Variants in RPS6KC1 observed in about 807,000 individuals in gnomAD.
RPS6KC1 encodes the protein ribosomal protein S6 kinase C1, also known as inactive ribosomal protein S6 kinase delta-1.
A neutral mutation model predicts 103.8 loss-of-function variants in RPS6KC1; 54 were observed. The ratio of observed to expected loss-of-function variants is 0.52; its 90% confidence interval spans 0.42 to 0.65. RPS6KC1 has a LOEUF of 0.65. RPS6KC1 is among the 30% of genes least tolerant of loss of function. The pLI is 0.00. For missense variants in RPS6KC1, 1,151 were observed against 1,253.8 expected, an observed-to-expected ratio of 0.92 and a Z score of 1.24; for synonymous variants, 439 against 438.7, an observed-to-expected ratio of 1.00 and a Z score of -0.01.
rs7543365 is a variant in RPS6KC1 at position 213,188,659 on chromosome 1, T to C, written c.1044+12167T>C. 4.9e-3 allele frequency among the ~76,000 whole-genome samples: 752 copies of C among 152,258 alleles called. 6 individuals carry two copies. Among genetic ancestry groups the C allele is most frequent in the African/African-American group, 0.014 (578 of 41,540 alleles). Reference sequence around the variant, plus strand: ...TATAATAATATTGAATTACTAGATGTAAATATAACAAGACATAGGAGCTTT... The same window carrying C: ...TATAATAATATTGAATTACTAGATGCAAATATAACAAGACATAGGAGCTTT... On this transcript the variant is annotated intron_variant, in intron 8 of 14. Transcript: ENST00000366960.
chr1:213,513,014 C>T, the RPS6KC1 span, among the ~76,000 whole-genome samples: 7 of 152,240 alleles, frequency 4.6e-5, no homozygotes, highest in African/African-American at 1.7e-4. Context: ...CTTGTAAATA[C>T]GTTATGTTAC....
At chr1:213,137,108 G>A (rs755802880) in intron 6 of RPS6KC1, among the ~76,000 whole-genome samples, 99 of 152,176 alleles carry the variant, frequency 6.5e-4, no homozygotes, top group Non-Finnish European at 4.0e-4. Context: ...TGATGATGGG[G>A]AATGGGTTGG....
chr1:213,807,960 G>A, the RPS6KC1 span, among the ~76,000 whole-genome samples: 2 of 152,126 alleles, frequency 1.3e-5, no homozygotes, highest in African/African-American at 4.8e-5. Flanking sequence ...TTTTAGTGTG[G>A]ATGTCCTTTC....
chr1:213,167,476 AC>A (rs1453589155), intron 6 of RPS6KC1, among the ~76,000 whole-genome samples: 1,970 of 146,900 alleles, frequency 0.013, 54 homozygotes, highest in African/African-American at 0.044. Flanking sequence ...ACACACACAC[AC>A]ACACACACAC....
At chr1:213,745,126 C>A in the RPS6KC1 span, among the ~76,000 whole-genome samples, 1 of 152,146 alleles carries the variant, frequency 6.6e-6, no homozygotes, top group Admixed American at 6.5e-5. Context: ...GTCATTAGAA[C>A]TCTTCTTTAT....
the RPS6KC1 span, among the ~76,000 whole-genome samples, chr1:213,483,152 A>G: frequency 6.6e-6 from 1 of 152,188 alleles, no homozygotes; most frequent in African/African-American, 2.4e-5. Flanking sequence ...ATAAGGCAGC[A>G]GGAGGGAGAA....
chr1:213,096,597 G>A lies in RPS6KC1; in HGVS notation c.263-7857G>A, dbSNP rs138258218. ...GGAGAATTGCTTGAACCCGGGAGGC[G>A]GAGGTTGCAGTGATTTGAGATTGCG... On this transcript the variant is annotated intron_variant, in intron 3 of 14. Coordinates refer to ENST00000366960, the MANE Select transcript of RPS6KC1 (RefSeq NM_012424.6). 3.2e-3 allele frequency among the ~76,000 whole-genome samples: 481 copies of A among 152,078 alleles called. 4 individuals are homozygous for A. Among genetic ancestry groups the A allele is most frequent in the African/African-American group, 9.6e-3 (400 of 41,482 alleles).
chr1:213,410,397 G>A, the RPS6KC1 span, among the ~76,000 whole-genome samples: 1 of 152,172 alleles, frequency 6.6e-6, no homozygotes, highest in African/African-American at 2.4e-5. Context: ...TGATGGGGAG[G>A]AAGCTTAGGG....
At chr1:213,245,327 A>C (rs932491160) in intron 12 of RPS6KC1, among the ~76,000 whole-genome samples, 5 of 152,154 alleles carry the variant, frequency 3.3e-5, no homozygotes, top group Admixed American at 3.3e-4. Context: ...CTTTTGATCT[A>C]CCCTTAGGAA....
At chr1:213,052,072 T>C (rs992148585) in intron 1 of RPS6KC1, among the ~76,000 whole-genome samples, 1 of 152,080 alleles carries the variant, frequency 6.6e-6, no homozygotes, top group Admixed American at 6.5e-5. Flanking sequence ...CTGCTGAGGG[T>C]GGCTTGTGTG....
At chr1:213,772,811 T>C in the RPS6KC1 span, among the ~76,000 whole-genome samples, 1 of 152,186 alleles carries the variant, frequency 6.6e-6, no homozygotes, top group Admixed American at 6.5e-5. Context: ...CAGTGGGCTT[T>C]GGTTCGATGC....
chr1:213,776,312 A>G, the RPS6KC1 span, among the ~76,000 whole-genome samples: 2 of 152,146 alleles, frequency 1.3e-5, no homozygotes, highest in Non-Finnish European at 1.5e-5. Context: ...ATAAAAATGT[A>G]TTTCTTATAT....
the RPS6KC1 span, among the ~76,000 whole-genome samples, chr1:213,638,248 T>G: frequency 6.6e-6 from 1 of 152,172 alleles, no homozygotes; most frequent in Non-Finnish European, 1.5e-5. Flanking sequence ...GTTTCTTTTC[T>G]TATTGTTGAG....
chr1:213,552,220 T>A, the RPS6KC1 span, among the ~76,000 whole-genome samples: 2 of 152,226 alleles, frequency 1.3e-5, no homozygotes, highest in African/African-American at 4.8e-5. Context: ...AAATACCAAG[T>A]GATGTAATTG....
At chr1:213,255,580 A>C (rs970661224) in intron 12 of RPS6KC1, among the ~76,000 whole-genome samples, 1 of 152,102 alleles carries the variant, frequency 6.6e-6, no homozygotes, top group Non-Finnish European at 1.5e-5. Flanking sequence ...TTTTATATAG[A>C]GTTTGCAAGT....
chr1:213,375,365 T>C, the RPS6KC1 span, among the ~76,000 whole-genome samples: 3 of 152,098 alleles, frequency 2.0e-5, no homozygotes, highest in African/African-American at 7.2e-5. Context: ...ATTTAATAAA[T>C]ACATATTTTC....
At chr1:213,602,194 C>CTTTCTTTCTTTCTTTCTTTCTTTT in the RPS6KC1 span, among the ~76,000 whole-genome samples, 1 of 75,154 alleles carries the variant, frequency 1.3e-5, no homozygotes, top group African/African-American at 6.2e-5. Flanking sequence ...TTCTTTTTCC[C>CTTTCTTTCTTTCTTTCTTTCTTTT]TCCCTCCCTC....
chr1:213,659,707 A>G, the RPS6KC1 span, among the ~76,000 whole-genome samples: 11 of 152,072 alleles, frequency 7.2e-5, no homozygotes, highest in Non-Finnish European at 1.3e-4. Context: ...AACTCTCTTA[A>G]CATTTATTCC....
At chr1:213,265,475 C>G (rs1444518150) in intron 14 of RPS6KC1, among the ~76,000 whole-genome samples, 1 of 152,052 alleles carries the variant, frequency 6.6e-6, no homozygotes. Context: ...ATTGTCATTG[C>G]AGTTAATTCT....
Sources: gnomAD v4.1 joint callset for allele counts (sites outside exome capture counted in the v4.1 genomes callset) on GRCh38, gnomAD v4.1.1 for gene constraint, MANE v1.5 for transcripts, NCBI Gene and HGNC (gene_info 2026-07-23, HGNC 2026-07-21) for gene names.